The following CADPS variants were observed in gnomAD, a reference collection of about 807,000 sequenced individuals.
CADPS encodes calcium-dependent secretion activator 1.
CADPS carries 57 observed loss-of-function variants against 167.3 expected under a neutral mutation model. The observed-to-expected ratio is 0.34, with a 90% confidence interval of 0.28 to 0.42. The LOEUF (loss-of-function observed/expected upper bound fraction) is 0.42. Among genes scored for constraint, CADPS ranks in the 20% least tolerant of loss-of-function variants. The probability of loss-of-function intolerance (pLI) is 1.00; values close to 1 mark genes in which losing one functional copy is unlikely to be tolerated. For synonymous variants in CADPS, 676 were observed against 635.3 expected (o/e 1.06, Z -0.96); for missense variants, 1,414 against 1,738.1 (o/e 0.81, Z 3.32).
At chr3:62,780,088 G>A (rs1454233727) in intron 1 of CADPS, among the ~76,000 whole-genome samples, 1 of 151,938 alleles carries the variant, frequency 6.6e-6, no homozygotes, top group African/African-American at 2.4e-5. Context: ...TTCCAGGCTG[G>A]TCTCAAACTC....
intron 10 of CADPS, among the ~76,000 whole-genome samples, chr3:62,552,404 T>C (rs754155701): frequency 6.6e-6 from 1 of 152,140 alleles, no homozygotes; most frequent in Non-Finnish European, 1.5e-5. Context: ...GAGAAGTAGG[T>C]GGAAACTTCT....
At chr3:62,448,957 G>C (rs984001941) in intron 26 of CADPS, among the ~76,000 whole-genome samples, 9 of 152,286 alleles carry the variant, frequency 5.9e-5, no homozygotes, top group Middle Eastern at 6.8e-3. Context: ...ATGAGGAAAA[G>C]GGGGATTCTG....
chr3:62,612,639 C>A (rs756138035), intron 6 of CADPS, among the ~76,000 whole-genome samples: 1 of 152,154 alleles, frequency 6.6e-6, no homozygotes, highest in Non-Finnish European at 1.5e-5. Flanking sequence ...TCACCAGGTA[C>A]CAACCAAATG....
intron 3 of CADPS, among the ~76,000 whole-genome samples, chr3:62,665,709 T>C (rs2074278226): frequency 6.6e-6 from 1 of 152,180 alleles, no homozygotes; most frequent in Admixed American, 6.5e-5. Flanking sequence ...GCTGTAGCAG[T>C]GCTGGATTCC....
intron 3 of CADPS, among the ~76,000 whole-genome samples, chr3:62,738,553 G>A (rs1032373393): frequency 6.6e-5 from 10 of 151,912 alleles, no homozygotes; most frequent in Non-Finnish European, 1.2e-4. Flanking sequence ...GTGAAACCCC[G>A]TCTCTACTAA....
intron 3 of CADPS, among the ~76,000 whole-genome samples, chr3:62,674,362 A>C (rs923414953): frequency 6.6e-6 from 1 of 152,174 alleles, no homozygotes; most frequent in Non-Finnish European, 1.5e-5. Context: ...CTGATCATTA[A>C]ACAGTACCTG....
intron 1 of CADPS, among the ~76,000 whole-genome samples, chr3:62,822,812 A>T (rs991091909): frequency 2.0e-5 from 3 of 152,198 alleles, no homozygotes; most frequent in Admixed American, 6.5e-5. Flanking sequence ...ACTGCATTCC[A>T]GCCTGTGCGA....
chr3:62,727,015 G>C (rs1195841790), intron 3 of CADPS, among the ~76,000 whole-genome samples: 2 of 151,824 alleles, frequency 1.3e-5, no homozygotes, highest in African/African-American at 4.9e-5. Context: ...TAGATTGCTG[G>C]TAGCTGTGCT....
intron 11 of CADPS, 83 bp from the exon 12 acceptor site, chr3:62,536,664 C>A: frequency 7.3e-7 from 1 of 1,374,428 alleles, no homozygotes; most frequent in South Asian, 1.2e-5. Flanking sequence ...CACAGGAATT[C>A]ACTAGACATT....
chr3:62,467,114 C>T (rs1285053403), intron 24 of CADPS, among the ~76,000 whole-genome samples: 1 of 152,082 alleles, frequency 6.6e-6, no homozygotes, highest in Non-Finnish European at 1.5e-5. Flanking sequence ...GACAAACCCC[C>T]ACACAAATAA....
intron 2 of CADPS, among the ~76,000 whole-genome samples, chr3:62,759,293 C>T (rs2084767595): frequency 6.6e-6 from 1 of 152,128 alleles, no homozygotes; most frequent in African/African-American, 2.4e-5. Context: ...TGATATTATG[C>T]CTGCAAGTTG....
chr3:62,630,634 C>T (rs534566310), intron 6 of CADPS, among the ~76,000 whole-genome samples: 6 of 152,184 alleles, frequency 3.9e-5, no homozygotes, highest in East Asian at 1.9e-4. Context: ...GGATTACAGC[C>T]GTGAGCCACC....
chr3:62,552,780 T>C (rs1422791685), intron 10 of CADPS, among the ~76,000 whole-genome samples: 1 of 152,208 alleles, frequency 6.6e-6, no homozygotes, highest in Non-Finnish European at 1.5e-5. Context: ...TACTTCTTTA[T>C]ATGGAGGGTC....
intron 28 of CADPS, chr3:62,404,667 A>G (rs189922496): frequency 9.7e-4 from 147 of 152,108 alleles, no homozygotes; most frequent in African/African-American, 3.1e-3. Context: ...TCGAGGCAGC[A>G]CTGCAGCCTC....
At chr3:62,772,258 C>T (rs1396363930) in intron 1 of CADPS, among the ~76,000 whole-genome samples, 1 of 151,908 alleles carries the variant, frequency 6.6e-6, no homozygotes, top group Non-Finnish European at 1.5e-5. Context: ...TGTGGTATTC[C>T]TTACCTCATT....
At chr3:62,843,492 G>GGTGTGGGTGTGTGTGTGT in intron 1 of CADPS, among the ~76,000 whole-genome samples, 1 of 149,114 alleles carries the variant, frequency 6.7e-6, no homozygotes, top group African/African-American at 2.5e-5. Flanking sequence ...TGGCAGTTGG[G>GGTGTGGGTGTGTGTGTGT]GTGTGTGTGT....
At chr3:62,543,910 T>C (rs1188070140) in intron 11 of CADPS, among the ~76,000 whole-genome samples, 1 of 152,154 alleles carries the variant, frequency 6.6e-6, no homozygotes, top group Non-Finnish European at 1.5e-5. Flanking sequence ...GAGAAATATT[T>C]TTCTAAAGTT....
intron 13 of CADPS, among the ~76,000 whole-genome samples, chr3:62,521,029 T>G (rs1196507903): frequency 6.6e-6 from 1 of 152,204 alleles, no homozygotes; most frequent in East Asian, 1.9e-4. Context: ...GCATACTTTT[T>G]CTAGAGCAGT....
intron 6 of CADPS, among the ~76,000 whole-genome samples, chr3:62,595,956 T>C (rs544238689): frequency 2.9e-4 from 44 of 152,224 alleles, no homozygotes; most frequent in African/African-American, 5.5e-4. Context: ...CCCTCAAACA[T>C]TGGACTCCAA....
Sources: gnomAD v4.1 joint callset for allele counts (sites outside exome capture counted in the v4.1 genomes callset) on GRCh38, gnomAD v4.1.1 for gene constraint, MANE v1.5 for transcripts, NCBI Gene and HGNC (gene_info 2026-07-23, HGNC 2026-07-21) for gene names.